ANKS1B: variants seen among roughly 807,000 people sequenced by gnomAD.
ANKS1B encodes ankyrin repeat and sterile alpha motif domain-containing protein 1B.
In ANKS1B, 36 loss-of-function variants were observed where a neutral mutation model predicts 148.3. That is an observed-to-expected ratio of 0.24 (90% CI 0.19 to 0.32). ANKS1B has a LOEUF of 0.32. Ranked by LOEUF, ANKS1B falls within the 10% of genes least tolerant of loss-of-function variation. The pLI, the probability that ANKS1B is intolerant of heterozygous loss-of-function variation, is 1.00. For missense variants in ANKS1B, 1,157 were observed against 1,542.6 expected (o/e 0.75, Z 4.19); for synonymous variants, 542 against 560.8 (o/e 0.97, Z 0.47).
chr12:99,581,897 C>CAAA (rs369048602), intron 9 of ANKS1B, among the ~76,000 whole-genome samples: 985 of 60,700 alleles, frequency 0.016, 5 homozygotes, highest in Non-Finnish European at 0.027. Flanking sequence ...GACTCCGTCT[C>CAAA]AAAAAAAAAA....
At chr12:99,926,834 A>G (rs2094489184) in intron 1 of ANKS1B, among the ~76,000 whole-genome samples, 1 of 152,140 alleles carries the variant, frequency 6.6e-6, no homozygotes, top group African/African-American at 2.4e-5. Context: ...TCAAAAGGTA[A>G]AAGTATTGTG....
chr12:99,891,956 G>A (rs1401776952), intron 1 of ANKS1B, among the ~76,000 whole-genome samples: 1 of 152,086 alleles, frequency 6.6e-6, no homozygotes, highest in East Asian at 1.9e-4. Flanking sequence ...GCTGAGAAAA[G>A]GATTCATGGG....
intron 12 of ANKS1B, among the ~76,000 whole-genome samples, chr12:99,305,545 A>G (rs1339601625): frequency 6.6e-6 from 1 of 152,112 alleles, no homozygotes; most frequent in East Asian, 1.9e-4. Context: ...AAGGACAGAG[A>G]AAAACTCAAT....
At chr12:98,983,768 G>A (rs1568184997) in intron 17 of ANKS1B, among the ~76,000 whole-genome samples, 1 of 152,232 alleles carries the variant, frequency 6.6e-6, no homozygotes, top group Non-Finnish European at 1.5e-5. Context: ...CCAAAGCAGT[G>A]TTGAAATCCA....
intron 12 of ANKS1B, among the ~76,000 whole-genome samples, chr12:99,304,555 C>G (rs1250488933): frequency 6.6e-6 from 1 of 151,998 alleles, no homozygotes; most frequent in African/African-American, 2.4e-5. Flanking sequence ...CAATGTTGTT[C>G]CTGCTGACAG....
chr12:98,765,143 G>C (rs931264732), intron 25 of ANKS1B, among the ~76,000 whole-genome samples: 3 of 152,196 alleles, frequency 2.0e-5, no homozygotes, highest in African/African-American at 7.2e-5. Context: ...CGGCAGCTAA[G>C]AGTTATTGAA....
chr12:99,460,740 A>G (rs1567143606), intron 10 of ANKS1B, among the ~76,000 whole-genome samples: 1 of 152,034 alleles, frequency 6.6e-6, no homozygotes, highest in Non-Finnish European at 1.5e-5. Flanking sequence ...AACAAAAAAA[A>G]AAAATGGATG....
chr12:99,271,119 G>A (rs922330664), intron 12 of ANKS1B, among the ~76,000 whole-genome samples: 12 of 152,132 alleles, frequency 7.9e-5, no homozygotes, highest in Non-Finnish European at 1.6e-4. Flanking sequence ...CTTGCCTTGC[G>A]CTTTATATCT....
chr12:99,652,501 A>C (rs1406621149), intron 9 of ANKS1B, among the ~76,000 whole-genome samples: 1 of 152,046 alleles, frequency 6.6e-6, no homozygotes, highest in Admixed American at 6.6e-5. Flanking sequence ...ATAGTGAGAG[A>C]AACATTAGTA....
intron 16 of ANKS1B, among the ~76,000 whole-genome samples, chr12:99,055,727 G>GT (rs60100668): frequency 1.3e-4 from 19 of 149,640 alleles, no homozygotes; most frequent in Admixed American, 4.0e-4. Context: ...AACTTGGGGG[G>GT]GGGGGAGGTG....
At chr12:99,843,070 C>CT (rs1785099210) in intron 1 of ANKS1B, among the ~76,000 whole-genome samples, 1 of 151,964 alleles carries the variant, frequency 6.6e-6, no homozygotes. Flanking sequence ...TGTATTAAGG[C>CT]TTTTTTCCAA....
Position 98,763,803 on chromosome 12 carries a change from C to T in ANKS1B, c.3579+9239G>A, listed in dbSNP as rs546711593. 5.3e-5 allele frequency among the ~76,000 whole-genome samples: 8 copies of T among 152,284 alleles called. No homozygotes were observed. In the East Asian group the frequency reaches 7.7e-4, roughly 15 times the overall value. On this transcript the variant is annotated intron_variant, in intron 25 of 26. Coordinates refer to ENST00000683438, the MANE Select transcript of ANKS1B (RefSeq NM_001352186.2). ...GCAACATTATCTCATAGTTGGTCTT[C>T]GCATGCCATTACACGTTCTTCAAAA...
chr12:98,875,055 C>T (rs893173491), intron 17 of ANKS1B, among the ~76,000 whole-genome samples: 1 of 152,182 alleles, frequency 6.6e-6, no homozygotes, highest in Non-Finnish European at 1.5e-5. Context: ...CAGCATCCAT[C>T]GAAATACTGT....
At chr12:98,754,582 A>G (rs1054722779) in intron 25 of ANKS1B, among the ~76,000 whole-genome samples, 1 of 152,194 alleles carries the variant, frequency 6.6e-6, no homozygotes, top group African/African-American at 2.4e-5. Context: ...TGATTCTGTA[A>G]CATGTGGTCT....
chr12:99,696,300 C>T (rs1567662904), intron 8 of ANKS1B, among the ~76,000 whole-genome samples: 2 of 151,966 alleles, frequency 1.3e-5, no homozygotes, highest in Non-Finnish European at 2.9e-5. Context: ...AAGTGAAAAA[C>T]AAAAGCTTCA....
chr12:98,944,000 G>A (rs1172323191), intron 17 of ANKS1B, among the ~76,000 whole-genome samples: 2 of 152,132 alleles, frequency 1.3e-5, no homozygotes, highest in Non-Finnish European at 2.9e-5. Flanking sequence ...ACAAATGGGG[G>A]TTGTTTAAAA....
chr12:99,511,006 AC>A (rs2096760106), intron 9 of ANKS1B, among the ~76,000 whole-genome samples: 1 of 151,722 alleles, frequency 6.6e-6, no homozygotes, highest in African/African-American at 2.4e-5. Flanking sequence ...CTATTTGAAT[AC>A]CCCTTATTTC....
intron 12 of ANKS1B, among the ~76,000 whole-genome samples, chr12:99,368,465 G>T (rs923900594): frequency 1.3e-5 from 2 of 151,732 alleles, no homozygotes; most frequent in Non-Finnish European, 2.9e-5. Context: ...TATATGCTAG[G>T]ATAAAACAAA....
Position 98,781,158 on chromosome 12 carries a change from C to T in ANKS1B, c.3400G>A (p.Val1134Ile). The change falls in exon 24 of 27, where the codon GTC becomes ATC. Residue 1134 changes from valine (V) to isoleucine (I), a missense_variant. Transcript: ENST00000683438. ...MKKVPTIILS[V>I]SYKGVKFIDA... is the part of the protein sequence containing the mutation. The stretch of plus-strand genomic sequence containing the variant: ...ATAAATTTGACTCCTTTATATGAGA[C>T]AGAAAGAATAATAGTAGGGACCTTC... The T allele has an allele frequency of 6.3e-7, 1 of 1,586,930 alleles. No homozygotes were observed. The highest frequency in any genetic ancestry group is 1.8e-5 in the Admixed American group (1 of 56,210).
Sources: gnomAD v4.1 joint callset for allele counts (sites outside exome capture counted in the v4.1 genomes callset) on GRCh38, gnomAD v4.1.1 for gene constraint, MANE v1.5 for transcripts, NCBI Gene and HGNC (gene_info 2026-07-23, HGNC 2026-07-21) for gene names.